Variants in SLC35F4 observed in about 807,000 individuals in gnomAD.
SLC35F4 encodes solute carrier family 35 member F4.
Under a neutral mutation model 44.2 loss-of-function variants are expected in SLC35F4, and 24 were observed. The observed-to-expected ratio is 0.54, with a 90% CI of 0.39 to 0.76. SLC35F4 has a LOEUF of 0.76. Among genes scored for constraint, SLC35F4 ranks in the 30% least tolerant of loss-of-function variants. The pLI, the probability that SLC35F4 is intolerant of heterozygous loss-of-function variation, is 0.00. For missense variants in SLC35F4, 562 were observed against 586.1 expected, an observed-to-expected ratio of 0.96 and a Z score of 0.42; for synonymous variants, 238 against 223.6, an observed-to-expected ratio of 1.06 and a Z score of -0.57.
chr14:57,777,397 A>G (rs1489021004), intron 1 of SLC35F4, among the ~76,000 whole-genome samples: 1 of 152,234 alleles, frequency 6.6e-6, no homozygotes, highest in Non-Finnish European at 1.5e-5. Flanking sequence ...TCAATGATAG[A>G]CTGGATTAAG....
chr14:57,612,481 A>T (rs968747046), intron 1 of SLC35F4, among the ~76,000 whole-genome samples: 1 of 152,176 alleles, frequency 6.6e-6, no homozygotes, highest in African/African-American at 2.4e-5. Flanking sequence ...GCATTCCTTG[A>T]CCATTTTCCC....
At chr14:57,587,458 T>C (rs2069835250) in intron 3 of SLC35F4, among the ~76,000 whole-genome samples, 1 of 152,044 alleles carries the variant, frequency 6.6e-6, no homozygotes, top group African/African-American at 2.4e-5. Flanking sequence ...AAAAGATGAG[T>C]TCGTGTCCTT....
intron 1 of SLC35F4, among the ~76,000 whole-genome samples, chr14:57,620,893 T>C (rs2072141701): frequency 6.6e-6 from 1 of 152,094 alleles, no homozygotes; most frequent in Admixed American, 6.6e-5. Context: ...TTTGCAGATG[T>C]ACATGATTGT....
Position 57,724,312 on chromosome 14 carries a change from C to G in SLC35F4, c.104-130188G>C, listed in dbSNP as rs537828950. ...CTTTGGCAGGCTCCCATAGGTGAAT[C>G]ACAGTGGAGGCCTCTAGGATTTTGG... On this transcript the variant is annotated intron_variant, in intron 1 of 7. Coordinates refer to ENST00000556826, the MANE Select transcript of SLC35F4 (RefSeq NM_001306087.2). Among the ~76,000 whole-genome samples, 17 of 152,326 alleles carry G rather than the reference C, an allele frequency of 1.1e-4. No homozygotes were observed. The South Asian group carries it at 3.5e-3, about 32-fold the overall frequency.
chr14:57,608,894 A>G (rs1253846635), intron 1 of SLC35F4, among the ~76,000 whole-genome samples: 2 of 152,098 alleles, frequency 1.3e-5, no homozygotes, highest in African/African-American at 4.8e-5. Flanking sequence ...TAGTGACAAG[A>G]CAGTCATTGT....
At chr14:57,657,095 C>T (rs2073993694) in intron 1 of SLC35F4, among the ~76,000 whole-genome samples, 2 of 152,228 alleles carry the variant, frequency 1.3e-5, no homozygotes, top group Non-Finnish European at 2.9e-5. Context: ...GTTCAGGCAT[C>T]ACCTGGATCT....
chr14:57,858,882 C>G (rs551380706), intron 1 of SLC35F4, among the ~76,000 whole-genome samples: 1 of 148,754 alleles, frequency 6.7e-6, no homozygotes, highest in East Asian at 2.0e-4. Flanking sequence ...GTGGGAGGAT[C>G]ACTTGAAGGA....
chr14:57,583,098 G>T (rs940241427), intron 3 of SLC35F4, among the ~76,000 whole-genome samples: 14 of 152,190 alleles, frequency 9.2e-5, no homozygotes, highest in African/African-American at 3.4e-4. Context: ...ATTTCCCAAA[G>T]ATAAATTTTA....
chr14:57,723,838 T>G (rs2076142343), intron 1 of SLC35F4, among the ~76,000 whole-genome samples: 1 of 152,210 alleles, frequency 6.6e-6, no homozygotes, highest in Non-Finnish European at 1.5e-5. Context: ...TTATGCTGAT[T>G]GGATCTAGTG....
chr14:57,735,725 G>T (rs916780043), intron 1 of SLC35F4, among the ~76,000 whole-genome samples: 9 of 140,928 alleles, frequency 6.4e-5, no homozygotes, highest in Admixed American at 1.4e-4. Context: ...ACCCCCTTTT[G>T]TTTTTTTTTT....
chr14:57,787,309 AGAG>A (rs2077790002), intron 1 of SLC35F4, among the ~76,000 whole-genome samples: 1 of 152,226 alleles, frequency 6.6e-6, no homozygotes, highest in Non-Finnish European at 1.5e-5. Flanking sequence ...CTGAAGAAGA[AGAG>A]AATTCTAAAA....
intron 1 of SLC35F4, among the ~76,000 whole-genome samples, chr14:57,761,762 G>T (rs983995219): frequency 6.6e-6 from 1 of 152,104 alleles, no homozygotes; most frequent in Non-Finnish European, 1.5e-5. Flanking sequence ...TAGCGCAAAA[G>T]ATCTTGTGAA....
At chr14:57,966,333 T>A (rs1247937404) in intron 1 of SLC35F4, among the ~76,000 whole-genome samples, 1 of 152,214 alleles carries the variant, frequency 6.6e-6, no homozygotes, top group Non-Finnish European at 1.5e-5. Context: ...CGGTTCTATG[T>A]TCTGTAATTG....
chr14:57,650,589 C>A (rs2073744621), intron 1 of SLC35F4, among the ~76,000 whole-genome samples: 1 of 152,202 alleles, frequency 6.6e-6, no homozygotes, highest in African/African-American at 2.4e-5. Context: ...GCTAATGGGT[C>A]TCTGCCTCCA....
chr14:57,865,651 G>T (rs1044972488), intron 1 of SLC35F4, 72 bp downstream of exon 1: 2 of 1,304,192 alleles, frequency 1.5e-6, no homozygotes, highest in African/African-American at 1.6e-5. Context: ...CCGCCCGTCC[G>T]CATCCCCGCG....
chr14:57,630,228 T>TATG (rs552944676), intron 1 of SLC35F4: 260 of 559,736 alleles, frequency 4.6e-4, no homozygotes, highest in African/African-American at 4.6e-3. Flanking sequence ...TTCTTCATGC[T>TATG]ATGATGATGA....
intron 1 of SLC35F4, among the ~76,000 whole-genome samples, chr14:57,677,796 C>T (rs1032604092): frequency 6.4e-5 from 9 of 141,262 alleles, no homozygotes; most frequent in Admixed American, 4.9e-4. Flanking sequence ...TAAGAGTTCT[C>T]AGAAATAAAA....
At chr14:57,702,147 C>T (rs902103461) in intron 1 of SLC35F4, among the ~76,000 whole-genome samples, 1 of 152,168 alleles carries the variant, frequency 6.6e-6, no homozygotes, top group African/African-American at 2.4e-5. Context: ...CCACCCTGGA[C>T]TGGCATCACC....
chr14:57,779,613 T>C (rs1381053368), intron 1 of SLC35F4, among the ~76,000 whole-genome samples: 4 of 152,120 alleles, frequency 2.6e-5, no homozygotes, highest in Middle Eastern at 3.2e-3. Flanking sequence ...TACCAAAATC[T>C]GGCAGAGATA....
Sources: gnomAD v4.1 joint callset for allele counts (sites outside exome capture counted in the v4.1 genomes callset) on GRCh38, gnomAD v4.1.1 for gene constraint, MANE v1.5 for transcripts, NCBI Gene and HGNC (gene_info 2026-07-23, HGNC 2026-07-21) for gene names.